Variants in EXOC3L2 observed in about 807,000 individuals in gnomAD.
EXOC3L2 encodes the protein exocyst complex component 3 like 2, also known as exocyst complex component 3-like protein 2.
EXOC3L2 carries 17 observed loss-of-function variants against 44.4 expected under a neutral mutation model. The ratio of observed to expected loss-of-function variants is 0.38; its 90% CI spans 0.26 to 0.57. The LOEUF is 0.57. EXOC3L2 is among the 20% of genes least tolerant of loss of function. The pLI is 0.65. For missense variants in EXOC3L2, 541 were observed against 588.4 expected (o/e 0.92, Z 0.83); for synonymous variants, 256 against 253.7 (o/e 1.01, Z -0.09).
intron 2 of EXOC3L2, among the ~76,000 whole-genome samples, chr19:45,235,978 G>A (rs751693638): frequency 6.6e-6 from 1 of 152,116 alleles, no homozygotes; most frequent in Non-Finnish European, 1.5e-5. Context: ...ATTGGGACAC[G>A]GATGGGGATA....
At chr19:45,240,845 G>A (rs998431273) in intron 1 of EXOC3L2, among the ~76,000 whole-genome samples, 5 of 151,820 alleles carry the variant, frequency 3.3e-5, no homozygotes, top group Admixed American at 6.6e-5. Flanking sequence ...CAGAAGTTGC[G>A]GTGAGCTGAG....
intron 11 of EXOC3L2, 73 bp from the exon 12 acceptor site, chr19:45,213,430 C>G: frequency 6.4e-7 from 1 of 1,555,994 alleles, no homozygotes; most frequent in Non-Finnish European, 8.7e-7. Context: ...GCCGTGGACC[C>G]CACCTGACCC....
intron 3 of EXOC3L2, among the ~76,000 whole-genome samples, chr19:45,232,104 G>C (rs1970038046): frequency 6.6e-6 from 1 of 152,104 alleles, no homozygotes; most frequent in Non-Finnish European, 1.5e-5. Context: ...ATATTTAGGG[G>C]TCAAGTCCAG....
At position 45,217,642 on chromosome 19, in the gene EXOC3L2, G is replaced by GTACTCGACC; in HGVS notation, c.1875_1883dup (p.Glu627_Tyr628insTer). On this transcript the variant is annotated stop_gained, in exon 10 of 12. Transcript: ENST00000413988. LOFTEE classifies it high-confidence loss of function. ...GGCGCCCACGGAGCAGGGGCCGCAC[G>GTACTCGACC]TACTCGACCAGCGCCCGCCGGTGTA... The GTACTCGACC allele has an allele frequency of 6.9e-7, 1 of 1,443,420 alleles. No individual in the cohort carries two copies. The highest frequency in any genetic ancestry group is 9.0e-7 in the Non-Finnish European group (1 of 1,107,672). The allele number at this position is 1,443,420 out of a possible 1,614,324, so 89.4% of individuals were successfully genotyped here. A position where few individuals can be genotyped will look rare whatever the true frequency, so the allele number is the denominator to read the frequency against.
chr19:45,216,377 G>C (rs1367383755), intron 10 of EXOC3L2, among the ~76,000 whole-genome samples, 183 bp from the exon 11 acceptor site: 1 of 152,038 alleles, frequency 6.6e-6, no homozygotes, highest in Non-Finnish European at 1.5e-5. Context: ...TCAGGACATC[G>C]AGACCAACCT....
In EXOC3L2 at chr19:45,217,689, G is replaced by T; in HGVS notation, c.1843-6C>A. 7.2e-7 allele frequency: 1 copy of T among 1,398,516 alleles called. No individual in the cohort carries two copies. The highest frequency in any genetic ancestry group is 9.2e-7 in the Non-Finnish European group (1 of 1,084,546). The allele number at this position is 1,398,516 out of a possible 1,614,324, so 86.6% of individuals were successfully genotyped here. ...TGTAGCTCGGCTACCAGCGCCTGGA[G>T]GCGGAGGAGGGAAACCCGAGGGGTG... is the stretch of plus-strand genomic sequence containing the variant. On this transcript the variant is annotated splice_polypyrimidine_tract_variant and splice_region_variant and intron_variant, in intron 9 of 11. Transcript: ENST00000413988.
At chr19:45,236,932 G>A (rs1323662781) in intron 2 of EXOC3L2, among the ~76,000 whole-genome samples, 1 of 151,814 alleles carries the variant, frequency 6.6e-6, no homozygotes, top group Non-Finnish European at 1.5e-5. Flanking sequence ...TTGAACCCAG[G>A]AAGCGGAGGT....
intron 3 of EXOC3L2, among the ~76,000 whole-genome samples, chr19:45,233,754 G>A (rs535114619): frequency 6.6e-6 from 1 of 152,272 alleles, no homozygotes; most frequent in East Asian, 1.9e-4. Flanking sequence ...TGTAACTGTC[G>A]ATGATGCTAA....
chr19:45,243,653 G>A (rs775625578), intron 1 of EXOC3L2, among the ~76,000 whole-genome samples: 2 of 151,988 alleles, frequency 1.3e-5, no homozygotes, highest in Non-Finnish European at 2.9e-5. Context: ...TTTTTCAGAT[G>A]GAGTCTCGCT....
rs1173545152 is a variant in EXOC3L2 at position 45,217,636 on chromosome 19, C to T, written c.1890G>A (p.Arg630=). Residue 630 remains arginine, a synonymous_variant, in exon 10 of 12, where the codon CGG becomes CGA. Transcript: ENST00000413988. ...AGCGCAGGCGCCCACGGAGCAGGGG[C>T]CGCACGTACTCGACCAGCGCCCGCC... ...LHRRALVEYV[R]PLLRGRLRCS... The T allele has an allele frequency of 2.1e-6, 3 of 1,460,892 alleles. No homozygotes were observed. Among genetic ancestry groups the T allele is most frequent in the Admixed American group, 2.7e-5 (1 of 36,416 alleles). The allele number at this position is 1,460,892 out of a possible 1,614,324, so 90.5% of individuals were successfully genotyped here. A position where few individuals can be genotyped will look rare whatever the true frequency, so the allele number is the denominator to read the frequency against.
At chr19:45,224,416 C>A (rs1007859857) in intron 8 of EXOC3L2, among the ~76,000 whole-genome samples, 3 of 152,044 alleles carry the variant, frequency 2.0e-5, no homozygotes, top group African/African-American at 4.8e-5. Flanking sequence ...GCTCCCACCC[C>A]CCTACCACAT....
At chr19:45,233,407 T>A (rs1420685441) in intron 3 of EXOC3L2, among the ~76,000 whole-genome samples, 1 of 152,198 alleles carries the variant, frequency 6.6e-6, no homozygotes, top group Non-Finnish European at 1.5e-5. Flanking sequence ...TGCCCTAGGC[T>A]CTAAAGAGAA....
At chr19:45,233,690 G>A (rs931442798) in intron 3 of EXOC3L2, among the ~76,000 whole-genome samples, 10 of 152,150 alleles carry the variant, frequency 6.6e-5, no homozygotes, top group African/African-American at 2.4e-4. Context: ...CTGAAAGGGT[G>A]GGAATGCTAG....
chr19:45,227,987 C>T lies in EXOC3L2; in HGVS notation c.1459G>A (p.Glu487Lys). Reference protein sequence around the residue: ...MAHCCLGGLAEFLQSFQQRVE... With the variant: ...MAHCCLGGLAKFLQSFQQRVE... Reference sequence around the variant, plus strand: ...AGGTTCCCCTACCTCTGCAGGAACTCTGCCAGCCCGCCTAGGCAGCAGTGG... The same window carrying T: ...AGGTTCCCCTACCTCTGCAGGAACTTTGCCAGCCCGCCTAGGCAGCAGTGG... Residue 487 changes from glutamate (E) to lysine (K), a missense_variant, in exon 6 of 12, where the codon GAG becomes AAG. Glu to Lys is a moderately conservative substitution (Grantham distance 56). Transcript: ENST00000413988. 6.2e-7 allele frequency: 1 copy of T among 1,613,780 alleles called. No individual in the cohort carries two copies. Among genetic ancestry groups the T allele is most frequent in the South Asian group, 1.1e-5 (1 of 91,070 alleles).
At chr19:45,221,568 C>G (rs190195976) in intron 8 of EXOC3L2, among the ~76,000 whole-genome samples, 1 of 148,086 alleles carries the variant, frequency 6.8e-6, no homozygotes, top group East Asian at 2.0e-4. Flanking sequence ...AGGATGGTCT[C>G]TTGACCTTGT....
Position 45,217,583 on chromosome 19 carries a change from A to C in EXOC3L2, c.1943T>G (p.Val648Gly), listed in dbSNP as rs1429624445. ...CGCGTCCTCCCGGAGCCTGCCGGCC[A>C]CGCGGCTGCGGGTCCGCGCCGAGCT... is the stretch of plus-strand genomic sequence containing the variant. ...RCSSARTRSR[V>G]AGRLREDAAQ... Residue 648 changes from valine to glycine, a missense_variant, in exon 10 of 12, where the codon GTG (valine) becomes GGG (glycine). Coordinates refer to ENST00000413988, the MANE Select transcript of EXOC3L2 (RefSeq NM_001382422.1). The C allele has an allele frequency of 6.5e-7, 1 of 1,544,874 alleles. No individual in the cohort carries two copies. Among genetic ancestry groups the C allele is most frequent in the South Asian group, 1.2e-5 (1 of 84,484 alleles).
chr19:45,217,434 G>T, intron 10 of EXOC3L2, 94 bp downstream of exon 10: 2 of 1,378,806 alleles, frequency 1.5e-6, no homozygotes, highest in Non-Finnish European at 1.9e-6. Context: ...CCTGAGCTCT[G>T]CCCCTCTCCC....
chr19:45,224,956 T>C, intron 7 of EXOC3L2, 43 bp from the exon 8 acceptor site: 1 of 1,488,418 alleles, frequency 6.7e-7, no homozygotes. Flanking sequence ...CCCCAACATC[T>C]CAGCCCAACT....
At chr19:45,216,332 T>C (rs184421739) in intron 10 of EXOC3L2, 138 bp from the exon 11 acceptor site, 16 of 1,257,742 alleles carry the variant, frequency 1.3e-5, no homozygotes, top group Non-Finnish European at 1.5e-5. Context: ...TCCCAGCACT[T>C]TGGGAGGAGG....
Sources: gnomAD v4.1 joint callset for allele counts (sites outside exome capture counted in the v4.1 genomes callset) on GRCh38, gnomAD v4.1.1 for gene constraint, MANE v1.5 for transcripts, NCBI Gene and HGNC (gene_info 2026-07-23, HGNC 2026-07-21) for gene names.